Variants in PCCA observed in about 807,000 individuals in gnomAD.
PCCA encodes propionyl-CoA carboxylase subunit alpha.
In PCCA, 74 loss-of-function variants were observed where a neutral mutation model predicts 101.3. The ratio of observed to expected loss-of-function variants is 0.73; its 90% CI spans 0.61 to 0.89. The LOEUF (loss-of-function observed/expected upper bound fraction) is 0.89. Ranked by LOEUF, PCCA falls within the 40% of genes least tolerant of loss-of-function variation. The pLI, the probability that PCCA is intolerant of heterozygous loss-of-function variation, is 0.00. For missense variants in PCCA, 891 were observed against 907.0 expected (o/e 0.98, Z 0.23); for synonymous variants, 294 against 313.6 (o/e 0.94, Z 0.66).
chr13:100,431,600 C>T (rs1472306703), intron 20 of PCCA, among the ~76,000 whole-genome samples: 1 of 152,204 alleles, frequency 6.6e-6, no homozygotes, highest in African/African-American at 2.4e-5. Flanking sequence ...GTATGAGTGG[C>T]TCACGCCTGT....
At chr13:100,131,128 G>GA (rs577637247) in intron 4 of PCCA, among the ~76,000 whole-genome samples, 5 of 150,198 alleles carry the variant, frequency 3.3e-5, no homozygotes, top group Non-Finnish European at 5.9e-5. Context: ...GCTCTAAAGA[G>GA]AAAAAAAAAG....
At chr13:100,277,214 A>C (rs2063726479) in intron 12 of PCCA, among the ~76,000 whole-genome samples, 1 of 152,130 alleles carries the variant, frequency 6.6e-6, no homozygotes. Context: ...GTGCCCACTA[A>C]AAGTGGGGGT....
chr13:100,309,852 A>T lies in PCCA; in HGVS notation c.1373A>T (p.Asp458Val), dbSNP rs1411283344. The T allele has an allele frequency of 1.2e-6, 2 of 1,612,910 alleles. No homozygotes were observed. The highest frequency in any genetic ancestry group is 1.7e-6 in the Non-Finnish European group (2 of 1,179,086). The change falls in exon 16 of 24, where the codon GAT (aspartate) becomes GTT (valine). Residue 458 changes from aspartate (D) to valine (V), a missense_variant. Transcript: ENST00000376285. ...TTTTAGCTAATCACATATGGCTCTG[A>T]TAGAACTGAGGCACTGAAGAGAATG... The part of the protein sequence containing the change: ...MISKLITYGS[D>V]RTEALKRMAD...
rs746871137 is a variant in PCCA at position 100,273,296 on chromosome 13, G to A, written c.1015G>A (p.Val339Met). The change falls in exon 12 of 24, where the codon GTG becomes ATG. Residue 339 changes from valine to methionine, a missense_variant. Coordinates refer to ENST00000376285, the MANE Select transcript of PCCA (RefSeq NM_000282.4). ...YSSAGTVEFL[V>M]DSKKNFYFLE... ...CTCTGCTGGGACCGTGGAGTTCCTT[G>A]TGGACTCTAAGAAGAATTTTTATTT... is the stretch of plus-strand genomic sequence containing the variant. 3 of 1,612,532 alleles carry A rather than the reference G, an allele frequency of 1.9e-6. No homozygotes were observed. The highest frequency in any genetic ancestry group is 1.1e-5 in the South Asian group (1 of 91,062).
Position 100,226,460 on chromosome 13 carries a change from TG to T in PCCA, c.601-9380del, listed in dbSNP as rs560451609. ...AGAAGGATGTCTGAATCATGAATGG[TG>T]GTCGGCGTTGACACTAATACCACTA... On this transcript the variant is annotated intron_variant, in intron 7 of 23. Transcript: ENST00000376285. Among the ~76,000 whole-genome samples the T allele has an allele frequency of 2.0e-4, 31 of 152,254 alleles. No homozygotes were observed. The East Asian group carries it at 5.8e-3, about 28-fold the overall frequency.
At chr13:100,514,265 T>G (rs1165429279) in intron 21 of PCCA, among the ~76,000 whole-genome samples, 1 of 152,210 alleles carries the variant, frequency 6.6e-6, no homozygotes. Flanking sequence ...CAAATCCACT[T>G]GGAACTTAGG....
At position 100,285,757 on chromosome 13, in the gene PCCA, C is replaced by T. The variant is rs2064573547; in HGVS notation, c.1065+12411C>T. Among the ~76,000 whole-genome samples, 3 of 152,140 alleles carry T rather than the reference C, an allele frequency of 2.0e-5. No homozygotes were observed. In the South Asian group the frequency reaches 6.2e-4, roughly 32 times the overall value. ...ACCATGACTGCCAACAAATTATAGT[C>T]CAGACTTATGCTGCCCGAGATGATC... On this transcript the variant is annotated intron_variant, in intron 12 of 23. Coordinates refer to ENST00000376285, the MANE Select transcript of PCCA (RefSeq NM_000282.4).
intron 16 of PCCA, among the ~76,000 whole-genome samples, chr13:100,329,095 A>C (rs1734468366): frequency 6.7e-6 from 1 of 150,374 alleles, no homozygotes. Flanking sequence ...CGGTTTTTGC[A>C]TTGCTGAAAT....
chr13:100,526,907 G>A (rs1350286339), intron 22 of PCCA, among the ~76,000 whole-genome samples: 1 of 152,242 alleles, frequency 6.6e-6, no homozygotes, highest in Non-Finnish European at 1.5e-5. Context: ...GGCGCTCCCA[G>A]TCTCCTAGCA....
At chr13:100,157,978 T>C (rs1156573413) in intron 6 of PCCA, among the ~76,000 whole-genome samples, 1 of 152,266 alleles carries the variant, frequency 6.6e-6, no homozygotes, top group Non-Finnish European at 1.5e-5. Context: ...CATGTGTTGC[T>C]TAACAGCGTG....
intron 6 of PCCA, among the ~76,000 whole-genome samples, chr13:100,178,744 A>G (rs763476698): frequency 2.0e-5 from 3 of 151,928 alleles, no homozygotes; most frequent in Non-Finnish European, 4.4e-5. Context: ...TTAAAAAAAA[A>G]TAATTTAGAC....
rs534122845 is a variant in PCCA, at chr13:100,365,525, A to G, written c.1644-2947A>G. Reference sequence around the variant, plus strand: ...AATCCCTACTCCATCAGGCTGCTACAGTTTGAAAAATATTACAGCATATGA... The same window carrying G: ...AATCCCTACTCCATCAGGCTGCTACGGTTTGAAAAATATTACAGCATATGA... On this transcript the variant is annotated intron_variant, in intron 18 of 23. Coordinates refer to ENST00000376285, the MANE Select transcript of PCCA (RefSeq NM_000282.4). 2.6e-5 allele frequency among the ~76,000 whole-genome samples: 4 copies of G among 152,340 alleles called. No individual in the cohort carries two copies. In the South Asian group the frequency reaches 8.3e-4, roughly 32 times the overall value.
At chr13:100,270,860 T>C (rs979983160) in intron 11 of PCCA, among the ~76,000 whole-genome samples, 1 of 151,798 alleles carries the variant, frequency 6.6e-6, no homozygotes, top group Non-Finnish European at 1.5e-5. Context: ...AAGTAAAAAA[T>C]CAGCTGACTG....
chr13:100,286,448 G>A (rs1181882019), intron 12 of PCCA, among the ~76,000 whole-genome samples: 1 of 152,212 alleles, frequency 6.6e-6, no homozygotes, highest in Non-Finnish European at 1.5e-5. Flanking sequence ...TTTGGCGGGA[G>A]TCAGGGCAGA....
chr13:100,244,496 T>C (rs1470276648), intron 8 of PCCA, among the ~76,000 whole-genome samples: 7 of 152,242 alleles, frequency 4.6e-5, no homozygotes, highest in Non-Finnish European at 1.0e-4. Flanking sequence ...TCTCTTGTTT[T>C]ATTGTTAGTC....
intron 12 of PCCA, among the ~76,000 whole-genome samples, 174 bp downstream of exon 12, chr13:100,273,520 A>G (rs1036848636): frequency 5.9e-5 from 9 of 152,186 alleles, no homozygotes; most frequent in Non-Finnish European, 1.3e-4. Flanking sequence ...TATCCCTCTA[A>G]AGTTCAATGT....
intron 12 of PCCA, among the ~76,000 whole-genome samples, chr13:100,287,671 T>C (rs978368705): frequency 2.6e-5 from 4 of 152,170 alleles, no homozygotes; most frequent in Non-Finnish European, 1.5e-5. Flanking sequence ...GATTGTAGCA[T>C]TTCCTTTCTT....
intron 22 of PCCA, among the ~76,000 whole-genome samples, chr13:100,525,019 A>G (rs1277357172): frequency 6.6e-6 from 1 of 150,686 alleles, no homozygotes; most frequent in Non-Finnish European, 1.5e-5. Context: ...ATAGATAGAT[A>G]GATAGATAGA....
chr13:100,128,598 A>G (rs1001869300), intron 4 of PCCA, among the ~76,000 whole-genome samples: 4 of 152,092 alleles, frequency 2.6e-5, no homozygotes, highest in East Asian at 1.9e-4. Context: ...CTAGGCAGAC[A>G]AGACCGCGTG....
Sources: gnomAD v4.1 joint callset for allele counts (sites outside exome capture counted in the v4.1 genomes callset) on GRCh38, gnomAD v4.1.1 for gene constraint, MANE v1.5 for transcripts, NCBI Gene and HGNC (gene_info 2026-07-23, HGNC 2026-07-21) for gene names.